Variants in PGBD2 observed in about 807,000 individuals in gnomAD.
PGBD2 encodes the protein piggyBac transposable element-derived protein 2.
Under a neutral mutation model 8.1 loss-of-function variants are expected in PGBD2, and 6 were observed. That is an observed-to-expected ratio of 0.74 (90% confidence interval 0.40 to 1.46). PGBD2 has a LOEUF of 1.46. PGBD2 is among the 40% of genes most tolerant of loss of function. PGBD2 has a pLI of 0.02. For missense variants in PGBD2, 802 were observed against 739.0 expected (o/e 1.09, Z -0.99); for synonymous variants, 318 against 272.2 (o/e 1.17, Z -1.66).
chr1:248,900,730 A>T, the PGBD2 span, among the ~76,000 whole-genome samples: 13 of 152,204 alleles, frequency 8.5e-5, no homozygotes, highest in Admixed American at 7.9e-4. Flanking sequence ...TGGTATTGGA[A>T]GTTTTGGCCA....
At chr1:248,898,554 A>G in the PGBD2 span, among the ~76,000 whole-genome samples, 1 of 152,204 alleles carries the variant, frequency 6.6e-6, no homozygotes, top group Non-Finnish European at 1.5e-5. Flanking sequence ...AGATGAGCAA[A>G]TGCTGAGGGA....
At chr1:248,888,153 A>G in the PGBD2 span, among the ~76,000 whole-genome samples, 1 of 152,190 alleles carries the variant, frequency 6.6e-6, no homozygotes, top group African/African-American at 2.4e-5. Context: ...TCTTAATGCA[A>G]TCCACCGTGG....
At chr1:248,923,315 C>T (rs532768454), downstream of PGBD2, among the ~76,000 whole-genome samples, 4 of 152,238 alleles carry the variant, frequency 2.6e-5, no homozygotes, top group African/African-American at 9.6e-5. Context: ...CCCCTATATG[C>T]TTTCTTATTG....
At chr1:248,915,915 G>T (rs1662081728) in intron 2 of PGBD2, among the ~76,000 whole-genome samples, 1 of 152,166 alleles carries the variant, frequency 6.6e-6, no homozygotes, top group Non-Finnish European at 1.5e-5. Context: ...TAGGGCCATT[G>T]AGTCTGAGGG....
At chr1:248,907,845 T>G (rs1053737896) in intron 1 of PGBD2, among the ~76,000 whole-genome samples, 5 of 152,166 alleles carry the variant, frequency 3.3e-5, no homozygotes, top group African/African-American at 1.2e-4. Context: ...AAAATGGAAT[T>G]TCTTATGTCT....
At chr1:248,926,252 G>A in the PGBD2 span, among the ~76,000 whole-genome samples, 1 of 151,906 alleles carries the variant, frequency 6.6e-6, no homozygotes, top group African/African-American at 2.4e-5. Flanking sequence ...GAATATCTAG[G>A]TGTAAAGCTC....
the PGBD2 span, among the ~76,000 whole-genome samples, chr1:248,874,298 G>GT: frequency 3.2e-4 from 49 of 152,148 alleles, no homozygotes; most frequent in Non-Finnish European, 6.2e-4. Flanking sequence ...CCGCGGCCCG[G>GT]GTTCGATTCC....
At chr1:248,887,492 C>G in the PGBD2 span, among the ~76,000 whole-genome samples, 1 of 152,120 alleles carries the variant, frequency 6.6e-6, no homozygotes, top group Non-Finnish European at 1.5e-5. Flanking sequence ...ATATTGTACG[C>G]TTCCCAGAGC....
At chr1:248,904,014 A>C (rs1228771812), upstream of PGBD2, among the ~76,000 whole-genome samples, 2 of 152,176 alleles carry the variant, frequency 1.3e-5, no homozygotes, top group African/African-American at 2.4e-5. Context: ...AAATAAACTA[A>C]ATGAAATAAA....
rs1558289570 is a variant in PGBD2, at chr1:248,917,396, CTA to C, written c.814_815del (p.Met272ValfsTer2). The stretch of plus-strand genomic sequence containing the variant: ...GAAGAGTTCTACAGCTTTGGCGAGT[CTA>C]TGTGTGAGTACTTTGGGCACCGGGG... On this transcript the variant is annotated frameshift_variant, in exon 3 of 3. Coordinates refer to ENST00000329291, the MANE Select transcript of PGBD2 (RefSeq NM_170725.3). LOFTEE classifies it low-confidence loss of function (END_TRUNC). The C allele has an allele frequency of 3.1e-6, 5 of 1,614,116 alleles. No homozygotes were observed. The highest frequency in any genetic ancestry group is 1.3e-5 in the African/African-American group (1 of 75,018).
At chr1:248,873,913 C>A in the PGBD2 span, among the ~76,000 whole-genome samples, 4 of 152,236 alleles carry the variant, frequency 2.6e-5, no homozygotes, top group East Asian at 7.7e-4. Context: ...TGCCTGCGGG[C>A]TTTCTGGTCT....
At chr1:248,881,853 T>A in the PGBD2 span, among the ~76,000 whole-genome samples, 2 of 152,190 alleles carry the variant, frequency 1.3e-5, no homozygotes, top group Non-Finnish European at 2.9e-5. Context: ...GTTATGGACT[T>A]CATTTTAATT....
At chr1:248,896,890 C>A in the PGBD2 span, among the ~76,000 whole-genome samples, 1 of 152,182 alleles carries the variant, frequency 6.6e-6, no homozygotes, top group African/African-American at 2.4e-5. Context: ...TTGCACTACC[C>A]CACCCAGGAA....
the PGBD2 span, among the ~76,000 whole-genome samples, chr1:248,874,336 A>G: frequency 2.0e-5 from 3 of 152,126 alleles, no homozygotes; most frequent in African/African-American, 4.8e-5. Context: ...CGTTTTAAAA[A>G]CTGTTGCCGC....
chr1:248,903,125 A>G (rs1485853271), upstream of PGBD2, among the ~76,000 whole-genome samples: 1 of 151,936 alleles, frequency 6.6e-6, no homozygotes, highest in Non-Finnish European at 1.5e-5. Flanking sequence ...GGCCTTCCAA[A>G]TTTCTGGGAT....
chr1:248,919,675 A>G (rs1175080129), downstream of PGBD2: 1 of 166,576 alleles, frequency 6.0e-6, no homozygotes, highest in Non-Finnish European at 1.5e-5. Flanking sequence ...ACTGTTCTCC[A>G]TAGAGGTTGT....
chr1:248,926,904 G>A, the PGBD2 span, among the ~76,000 whole-genome samples: 2 of 152,190 alleles, frequency 1.3e-5, no homozygotes, highest in Non-Finnish European at 2.9e-5. Context: ...TGATATAAGA[G>A]ATGATGCTCA....
At chr1:248,883,573 CTTTTTTTTTTCTTTT>C in the PGBD2 span, among the ~76,000 whole-genome samples, 1 of 112,470 alleles carries the variant, frequency 8.9e-6, no homozygotes, top group Admixed American at 9.1e-5. Context: ...CTGATAGTTT[CTTTTTTTTTTCTTTT>C]TTTTTTTTTT....
At chr1:248,888,910 T>C in the PGBD2 span, among the ~76,000 whole-genome samples, 1 of 152,350 alleles carries the variant, frequency 6.6e-6, no homozygotes, top group Non-Finnish European at 1.5e-5. Context: ...TTATTTTTTG[T>C]ATATGCTGAG....
Sources: allele counts gnomAD v4.1 joint callset (sites outside exome capture counted in the v4.1 genomes callset), GRCh38; gene constraint gnomAD v4.1.1; transcripts MANE v1.5; gene names NCBI Gene and HGNC (gene_info 2026-07-23, HGNC 2026-07-21).